HERC3: variants seen among roughly 807,000 people sequenced by gnomAD.
HERC3 encodes probable E3 ubiquitin-protein ligase HERC3.
A neutral mutation model predicts 129.9 loss-of-function variants in HERC3; 58 were observed. The observed-to-expected ratio is 0.45, with a 90% confidence interval of 0.36 to 0.56. The LOEUF (loss-of-function observed/expected upper bound fraction) is 0.56, where lower values mean the gene tolerates loss of function less well. Among genes scored for constraint, HERC3 ranks in the 20% least tolerant of loss-of-function variants. HERC3 has a pLI of 0.00. For missense variants in HERC3, 835 were observed against 1,244.2 expected (o/e 0.67, Z 4.95); for synonymous variants, 430 against 451.0 (o/e 0.95, Z 0.59).
intron 2 of HERC3, among the ~76,000 whole-genome samples, chr4:88,605,036 C>T (rs1172614733): frequency 6.6e-6 from 1 of 152,054 alleles, no homozygotes; most frequent in Non-Finnish European, 1.5e-5. Context: ...AGTTGATTAC[C>T]TGCTAAATAG....
At chr4:88,589,719 A>C (rs1434506414), upstream of HERC3, among the ~76,000 whole-genome samples, 1 of 152,236 alleles carries the variant, frequency 6.6e-6, no homozygotes, top group African/African-American at 2.4e-5. Flanking sequence ...AGCCATTTAA[A>C]GCCATTTTGA....
chr4:88,531,443 ACTAT>A, the HERC3 span, among the ~76,000 whole-genome samples: 1 of 152,200 alleles, frequency 6.6e-6, no homozygotes. Context: ...GTTCACTAAA[ACTAT>A]AAATATATCA....
At chr4:88,558,954 C>A in the HERC3 span, among the ~76,000 whole-genome samples, 1 of 133,754 alleles carries the variant, frequency 7.5e-6, no homozygotes, top group African/African-American at 3.1e-5. Flanking sequence ...GGCAACAGAG[C>A]GAGACTCTGT....
chr4:88,659,761 T>C (rs1730297593), intron 10 of HERC3, among the ~76,000 whole-genome samples: 1 of 152,262 alleles, frequency 6.6e-6, no homozygotes, highest in African/African-American at 2.4e-5. Context: ...TAGAAACTAG[T>C]ATTGAATAGT....
Position 88,649,883 on chromosome 4 carries a change from A to G in HERC3, c.270A>G (p.Ala90=), listed in dbSNP as rs764120729. Residue 90 remains alanine, a synonymous_variant, in exon 4 of 26, where the codon GCA becomes GCG. Coordinates refer to ENST00000402738, the MANE Select transcript of HERC3 (RefSeq NM_014606.3). ...CAGATCAGCATATCATTCATGTGGC[A>G]TGTGGCGAGTCCCACAGTCTGGCCC... ...ALADQHIIHV[A]CGESHSLALS... 6.2e-7 allele frequency: 1 copy of G among 1,613,916 alleles called. No homozygotes were observed. The highest frequency in any genetic ancestry group is 1.3e-5 in the African/African-American group (1 of 74,904).
At position 88,686,855 on chromosome 4, in the gene HERC3, T is replaced by C. The variant is rs2149325898; in HGVS notation, c.2574+53T>C. 5 of 1,227,592 alleles carry C rather than the reference T, an allele frequency of 4.1e-6. No homozygotes were observed. The Admixed American group carries it at 8.7e-5, about 21-fold the overall frequency. The allele number at this position is 1,227,592 out of a possible 1,614,324, so 76.0% of individuals were successfully genotyped here. On this transcript the variant is annotated intron_variant, in intron 22 of 25. Coordinates refer to ENST00000402738, the MANE Select transcript of HERC3 (RefSeq NM_014606.3). ...TTGTGGCTGTCTCTCTTACCATCTT[T>C]AGAGTGATATTTAACATTAGTTCTT...
rs1404372878 is a variant in HERC3, at chr4:88,606,066, T to G, written c.226+17T>G. The stretch of plus-strand genomic sequence containing the variant: ...ACAAGCCAGGTAAGTGCACCTTATC[T>G]GTCTTGATTATTGGTGAGAATGGAA... On this transcript the variant is annotated intron_variant, in intron 3 of 25. Coordinates refer to ENST00000402738, the MANE Select transcript of HERC3 (RefSeq NM_014606.3). 1 of 1,592,218 alleles carries G rather than the reference T, an allele frequency of 6.3e-7. No homozygotes were observed.
the HERC3 span, among the ~76,000 whole-genome samples, chr4:88,572,814 A>AT: frequency 9.5e-4 from 135 of 142,436 alleles, no homozygotes; most frequent in African/African-American, 3.6e-3. Flanking sequence ...TCAAAAAAAA[A>AT]AAAATAATAA....
intron 23 of HERC3, among the ~76,000 whole-genome samples, chr4:88,698,753 C>T (rs902117267): frequency 1.3e-5 from 2 of 150,972 alleles, no homozygotes; most frequent in African/African-American, 2.4e-5. Flanking sequence ...CTCCCTCCCT[C>T]CTGCCCCTCC....
At chr4:88,595,100 C>CAAAAAAAAAAAAA (rs758727600) in intron 1 of HERC3, among the ~76,000 whole-genome samples, 1 of 60,078 alleles carries the variant, frequency 1.7e-5, no homozygotes. Context: ...GACTCTGTCT[C>CAAAAAAAAAAAAA]AAAAAAAAAA....
intron 3 of HERC3, among the ~76,000 whole-genome samples, chr4:88,610,421 T>C (rs1724173007): frequency 1.5e-5 from 2 of 134,970 alleles, no homozygotes; most frequent in African/African-American, 2.8e-5. Context: ...CCACTGGCAC[T>C]CCAGCCTGGG....
At chr4:88,526,200 G>A in the HERC3 span, among the ~76,000 whole-genome samples, 19 of 152,290 alleles carry the variant, frequency 1.2e-4, no homozygotes, top group African/African-American at 3.9e-4. Flanking sequence ...GTACTTCTGG[G>A]ACACTCTTTT....
the HERC3 span, among the ~76,000 whole-genome samples, chr4:88,550,428 C>A: frequency 1.3e-5 from 2 of 152,152 alleles, no homozygotes; most frequent in African/African-American, 4.8e-5. Context: ...TAAGCAACTT[C>A]AGCAAAGTCT....
At chr4:88,546,347 T>C in the HERC3 span, among the ~76,000 whole-genome samples, 3 of 152,214 alleles carry the variant, frequency 2.0e-5, no homozygotes, top group South Asian at 6.2e-4. Flanking sequence ...AAAAATGTTA[T>C]AAGGCTGTAT....
chr4:88,554,161 C>G, the HERC3 span, among the ~76,000 whole-genome samples: 1 of 152,142 alleles, frequency 6.6e-6, no homozygotes, highest in South Asian at 2.1e-4. Context: ...TCCTGGCCAA[C>G]ATGGTGAAAC....
chr4:88,530,222 G>T, the HERC3 span, among the ~76,000 whole-genome samples: 1 of 152,024 alleles, frequency 6.6e-6, no homozygotes, highest in Non-Finnish European at 1.5e-5. Flanking sequence ...CCAGGGACGT[G>T]GAGGTTGCAG....
chr4:88,690,257 G>T (rs1299258587), intron 23 of HERC3: 2 of 976,870 alleles, frequency 2.0e-6, no homozygotes, highest in East Asian at 2.3e-4. Flanking sequence ...AATAAGACCA[G>T]GCTTTTTATT....
At chr4:88,639,704 A>G (rs1012054934) in intron 3 of HERC3, among the ~76,000 whole-genome samples, 1 of 152,238 alleles carries the variant, frequency 6.6e-6, no homozygotes, top group African/African-American at 2.4e-5. Flanking sequence ...AAAATGCTGA[A>G]AGCAATTGCA....
intron 12 of HERC3, among the ~76,000 whole-genome samples, chr4:88,664,951 AAG>A (rs1422748191): frequency 6.6e-6 from 1 of 152,122 alleles, no homozygotes; most frequent in African/African-American, 2.4e-5. Flanking sequence ...GATGCAGCAA[AAG>A]AGTCTTGTCA....
Sources: gnomAD v4.1 joint callset for allele counts (sites outside exome capture counted in the v4.1 genomes callset) on GRCh38, gnomAD v4.1.1 for gene constraint, MANE v1.5 for transcripts, NCBI Gene and HGNC (gene_info 2026-07-23, HGNC 2026-07-21) for gene names.